The following CACNA1E variants were observed in gnomAD, a reference collection of about 807,000 sequenced individuals.
CACNA1E encodes voltage-dependent R-type calcium channel subunit alpha-1E.
A neutral mutation model predicts 259.2 loss-of-function variants in CACNA1E; 40 were observed. The ratio of observed to expected loss-of-function variants is 0.15; its 90% CI spans 0.12 to 0.20. The LOEUF is 0.20. CACNA1E is among the 10% of genes least tolerant of loss of function. The pLI is 1.00. For missense variants in CACNA1E, 1,874 were observed against 3,040.1 expected (o/e 0.62, Z 9.02); for synonymous variants, 1,104 against 1,138.5 (o/e 0.97, Z 0.61).
At chr1:181,504,754 G>A (rs1443435991) in intron 1 of CACNA1E, among the ~76,000 whole-genome samples, 1 of 152,188 alleles carries the variant, frequency 6.6e-6, no homozygotes, top group Non-Finnish European at 1.5e-5. Context: ...GCTCAAATTA[G>A]CCATGTTGCT....
intron 3 of CACNA1E, among the ~76,000 whole-genome samples, chr1:181,542,227 C>G (rs921465792): frequency 6.6e-6 from 1 of 151,806 alleles, no homozygotes; most frequent in Non-Finnish European, 1.5e-5. Context: ...AGATCTTGAG[C>G]AAAAGATCCC....
chr1:181,721,395 C>G (rs1366636321), intron 15 of CACNA1E, among the ~76,000 whole-genome samples: 2 of 152,172 alleles, frequency 1.3e-5, no homozygotes, highest in Non-Finnish European at 2.9e-5. Flanking sequence ...AATCATGCTG[C>G]TGTTCCAGAC....
intron 1 of CACNA1E, among the ~76,000 whole-genome samples, chr1:181,402,660 G>C (rs1445539780): frequency 6.6e-6 from 1 of 152,154 alleles, no homozygotes; most frequent in Non-Finnish European, 1.5e-5. Flanking sequence ...AAGACAAGGA[G>C]CCAGGCCTGG....
rs116389183 is a variant in CACNA1E at position 181,599,122 on chromosome 1, C to T, written c.951+18346C>T. Among the ~76,000 whole-genome samples the T allele has an allele frequency of 5.8e-3, 886 of 151,926 alleles. 10 individuals are homozygous for T. The highest frequency in any genetic ancestry group is 0.02 in the African/African-American group (833 of 41,430). On this transcript the variant is annotated intron_variant, in intron 6 of 47. Coordinates refer to ENST00000367573, the MANE Select transcript of CACNA1E (RefSeq NM_001205293.3). The stretch of plus-strand genomic sequence containing the variant: ...GCCTCTCCCCCCTCCCCACTCTTGC[C>T]CTCCGATAGGCCCCAGTGTGTGTTG...
intron 6 of CACNA1E, among the ~76,000 whole-genome samples, chr1:181,603,026 C>T (rs949240856): frequency 7.2e-5 from 11 of 152,024 alleles, no homozygotes; most frequent in African/African-American, 1.7e-4. Context: ...ATTCAGGTGC[C>T]GTAAGAAGCC....
intron 2 of CACNA1E, 23 bp downstream of exon 2, chr1:181,510,605 C>T (rs760147739): frequency 2.1e-6 from 3 of 1,437,966 alleles, no homozygotes; most frequent in Non-Finnish European, 2.9e-6. Flanking sequence ...CCTCCTTCTC[C>T]CCTTTGCCCC....
In CACNA1E at chr1:181,806,283, C is replaced by T. The variant is rs1662617850; in HGVS notation, c.*7449C>T. 6.6e-6 allele frequency: 1 copy of T among 152,326 alleles called. No homozygotes were observed. Among genetic ancestry groups the T allele is most frequent in the South Asian group, 2.1e-4 (1 of 4,832 alleles). The allele number at this position is 152,326 out of a possible 1,614,324, so 9.4% of individuals were successfully genotyped here. Reference sequence around the variant, plus strand: ...CTTCATCAGGAACAGATTTCAGACTCTGCAGGGTGCACCGGTTCTAGCCTC... The same window carrying T: ...CTTCATCAGGAACAGATTTCAGACTTTGCAGGGTGCACCGGTTCTAGCCTC... On this transcript the variant is annotated 3_prime_UTR_variant, in exon 48 of 48. Coordinates refer to ENST00000367573, the MANE Select transcript of CACNA1E (RefSeq NM_001205293.3).
intron 3 of CACNA1E, among the ~76,000 whole-genome samples, chr1:181,542,660 T>C (rs1382438600): frequency 6.6e-6 from 1 of 152,064 alleles, no homozygotes; most frequent in East Asian, 1.9e-4. Flanking sequence ...GATTCTAAGT[T>C]TCCTGAGGCC....
rs930069458 is a variant in CACNA1E at position 181,422,823 on chromosome 1, T to G, written c.434+9243T>G. The stretch of plus-strand genomic sequence containing the variant: ...AAACATTAGATTGTGAATCTAACAA[T>G]AGAAGCCTGCAACTTCTTGTCTACC... On this transcript the variant is annotated intron_variant, in intron 2 of 11. Coordinates refer to the CACNA1E transcript ENST00000524607. Among the ~76,000 whole-genome samples, 10 of 152,318 alleles carry G rather than the reference T, an allele frequency of 6.6e-5. No individual in the cohort carries two copies. The East Asian group carries it at 1.9e-3, about 29-fold the overall frequency.
intron 22 of CACNA1E, among the ~76,000 whole-genome samples, chr1:181,737,210 C>T (rs1038603992): frequency 2.0e-5 from 3 of 152,186 alleles, no homozygotes; most frequent in Admixed American, 1.3e-4. Context: ...GAGTAGACAT[C>T]GAGATACAGC....
intron 7 of CACNA1E, among the ~76,000 whole-genome samples, chr1:181,683,299 T>C (rs757184870): frequency 6.6e-6 from 1 of 152,204 alleles, no homozygotes; most frequent in Non-Finnish European, 1.5e-5. Context: ...AGTGGAAGAG[T>C]TGGAACTTCT....
chr1:181,371,289 T>A (rs1478935667), intron 1 of CACNA1E, among the ~76,000 whole-genome samples: 1 of 152,150 alleles, frequency 6.6e-6, no homozygotes, highest in Non-Finnish European at 1.5e-5. Flanking sequence ...TTTATTTTTA[T>A]TTTTTGCCAT....
At chr1:181,793,437 GAAA>G (rs891027851) in intron 44 of CACNA1E, among the ~76,000 whole-genome samples, 1 of 152,218 alleles carries the variant, frequency 6.6e-6, no homozygotes, top group African/African-American at 2.4e-5. Flanking sequence ...ATCTACACCA[GAAA>G]AATAGGTGAC....
chr1:181,671,058 C>T (rs181536145), intron 7 of CACNA1E, among the ~76,000 whole-genome samples: 31 of 152,276 alleles, frequency 2.0e-4, no homozygotes, highest in Middle Eastern at 3.4e-3. Flanking sequence ...TATTGAGACA[C>T]GGTCTTGCTC....
At chr1:181,445,192 A>G (rs1168310453) in intron 2 of CACNA1E, among the ~76,000 whole-genome samples, 1 of 152,196 alleles carries the variant, frequency 6.6e-6, no homozygotes, top group Non-Finnish European at 1.5e-5. Flanking sequence ...AGCACTAACC[A>G]ATTCTCCTTT....
chr1:181,524,815 A>C (rs1406956260), intron 3 of CACNA1E, among the ~76,000 whole-genome samples: 1 of 152,210 alleles, frequency 6.6e-6, no homozygotes, highest in Non-Finnish European at 1.5e-5. Context: ...GGGAGATCTA[A>C]TCCCTAATTG....
At chr1:181,783,401 C>A (rs1014449257) in intron 39 of CACNA1E, among the ~76,000 whole-genome samples, 6 of 152,066 alleles carry the variant, frequency 3.9e-5, no homozygotes, top group Non-Finnish European at 5.9e-5. Context: ...CAAGGGGGGG[C>A]CTTACTGAAT....
chr1:181,478,003 T>C (rs1558034755), intron 2 of CACNA1E, among the ~76,000 whole-genome samples: 1 of 152,194 alleles, frequency 6.6e-6, no homozygotes, highest in African/African-American at 2.4e-5. Context: ...GCAAGGAAAA[T>C]ATTATTTTGA....
Position 181,449,771 on chromosome 1 carries a change from C to T in CACNA1E, c.435-33973C>T, listed in dbSNP as rs189374093. On this transcript the variant is annotated intron_variant, in intron 2 of 11. Transcript: ENST00000524607. ...AATTCCTTTGTTTTATTTCAGGAAA[C>T]ATTGATTAAACATCTATTTTGGATA... 2.6e-3 allele frequency among the ~76,000 whole-genome samples: 393 copies of T among 152,278 alleles called. 4 individuals carry two copies. Among genetic ancestry groups the T allele is most frequent in the African/African-American group, 8.7e-3 (360 of 41,546 alleles).
Sources: gnomAD v4.1 joint callset for allele counts (sites outside exome capture counted in the v4.1 genomes callset) on GRCh38, gnomAD v4.1.1 for gene constraint, MANE v1.5 for transcripts, NCBI Gene and HGNC (gene_info 2026-07-23, HGNC 2026-07-21) for gene names.